The following THOC6 variants were observed in gnomAD, a reference collection of about 807,000 sequenced individuals.
The protein encoded by THOC6 is THO complex subunit 6, also known as THO complex 6.
In THOC6, 39 loss-of-function variants were observed where a neutral mutation model predicts 55.8. That is an observed-to-expected ratio of 0.70 (90% CI 0.54 to 0.91). The LOEUF is 0.91. Among genes scored for constraint, THOC6 ranks in the 40% least tolerant of loss-of-function variants. The pLI, the probability that THOC6 is intolerant of heterozygous loss-of-function variation, is 0.00. For missense variants in THOC6, 482 were observed against 442.0 expected, an observed-to-expected ratio of 1.09 and a Z score of -0.81; for synonymous variants, 192 against 175.6, an observed-to-expected ratio of 1.09 and a Z score of -0.74.
chr16:3,026,988 C>A, intron 9 of THOC6, 23 bp from the exon 10 acceptor site: 1 of 1,614,216 alleles, frequency 6.2e-7, no homozygotes, highest in South Asian at 1.1e-5. Flanking sequence ...TCACCTCTTT[C>A]CCTCCTCCCC....
intron 1 of THOC6, 63 bp from the exon 2 acceptor site, chr16:3,025,645 A>G: frequency 1.3e-6 from 2 of 1,484,714 alleles, no homozygotes; most frequent in Non-Finnish European, 1.9e-6. Context: ...GGAAGCAGGG[A>G]GGAATCTGTG....
chr16:3,025,860 C>A (rs924889284), intron 2 of THOC6, 37 bp downstream of exon 2: 20 of 1,614,038 alleles, frequency 1.2e-5, no homozygotes, highest in Non-Finnish European at 8.5e-7. Context: ...AGCCCTGGCA[C>A]TTGGCCCTCA....
chr16:3,025,215 T>C (rs1310854730), intron 1 of THOC6, among the ~76,000 whole-genome samples: 1 of 152,182 alleles, frequency 6.6e-6, no homozygotes, highest in Non-Finnish European at 1.5e-5. Flanking sequence ...GTGCTGGGAT[T>C]ACAGGCGTGA....
intron 7 of THOC6, 27 bp from the exon 8 acceptor site, chr16:3,026,652 C>T (rs1265638663): frequency 6.2e-7 from 1 of 1,610,616 alleles, no homozygotes; most frequent in Non-Finnish European, 8.5e-7. Flanking sequence ...CCTAGGTCTC[C>T]TCCTGACATC....
rs781382248 is a variant in THOC6 at position 3,027,408 on chromosome 16, C to G, written c.853C>G (p.Leu285Val). 3 of 1,612,530 alleles carry G rather than the reference C, an allele frequency of 1.9e-6. No homozygotes were observed. Among genetic ancestry groups the G allele is most frequent in the Non-Finnish European group, 1.7e-6 (2 of 1,179,576 alleles). ...GQGRCVNQWQ[L>V]SGELKAQVPG... ...GGGCCGCTGCGTCAACCAGTGGCAG[C>G]TGAGCGGGGAGCTGAAGGCCCAGGT... Residue 285 changes from leucine to valine, a missense_variant, in exon 12 of 13, where the codon CTG becomes GTG. Coordinates refer to ENST00000326266, the MANE Select transcript of THOC6 (RefSeq NM_024339.5).
At chr16:3,025,222 G>A (rs945938416) in intron 1 of THOC6, among the ~76,000 whole-genome samples, 3 of 152,152 alleles carry the variant, frequency 2.0e-5, no homozygotes, top group African/African-American at 7.2e-5. Flanking sequence ...GATTACAGGC[G>A]TGAGCCACTG....
rs773244385 is a variant in THOC6, at chr16:3,027,509, G to A, written c.945+9G>A. The A allele has an allele frequency of 2.7e-5, 43 of 1,611,696 alleles. No individual in the cohort carries two copies. The highest frequency in any genetic ancestry group is 6.7e-5 in the East Asian group (3 of 44,864). On this transcript the variant is annotated intron_variant, in intron 12 of 12. Coordinates refer to ENST00000326266, the MANE Select transcript of THOC6 (RefSeq NM_024339.5). ...CCGCGCCTGAGTGCAAGGTGGGTCC[G>A]GCAGGGGCCGCGGAGCGGCTGGGAG...
Position 3,024,293 on chromosome 16 carries a change from C to T in THOC6, c.-34C>T, listed in dbSNP as rs765844164. The T allele has an allele frequency of 5.0e-6, 8 of 1,613,880 alleles. No homozygotes were observed. Among genetic ancestry groups the T allele is most frequent in the South Asian group, 4.4e-5 (4 of 91,082 alleles). On this transcript the variant is annotated 5_prime_UTR_variant, in exon 1 of 13. Coordinates refer to ENST00000326266, the MANE Select transcript of THOC6 (RefSeq NM_024339.5). Reference sequence around the variant, plus strand: ...CGTAAGGCCTCGTGAGGTTGCGTCGCGCGCGGAGCACTCTGGGACTTGTAG... The same window carrying T: ...CGTAAGGCCTCGTGAGGTTGCGTCGTGCGCGGAGCACTCTGGGACTTGTAG...
chr16:3,024,098 C>T lies in THOC6; in HGVS notation c.-229C>T. 1 of 733,074 alleles carries T rather than the reference C, an allele frequency of 1.4e-6. No individual in the cohort carries two copies. Among genetic ancestry groups the T allele is most frequent in the Non-Finnish European group, 2.2e-6 (1 of 453,250 alleles). 45.4% of individuals were successfully genotyped at this position (733,074 alleles called of 1,614,324 possible). A position where few individuals can be genotyped will look rare whatever the true frequency, so the allele number is the denominator to read the frequency against. ...GCGCGTGGCGGAAGGCAGGCTTGCTCCTCGGGGTGGGGGAGGGTATCCGGC... is the reference window on the plus strand; with the variant it reads ...GCGCGTGGCGGAAGGCAGGCTTGCTTCTCGGGGTGGGGGAGGGTATCCGGC... On this transcript the variant is annotated 5_prime_UTR_variant, in exon 1 of 13. Transcript: ENST00000326266.
At chr16:3,026,218 C>G in intron 4 of THOC6, 33 bp from the exon 5 acceptor site, 1 of 1,614,098 alleles carries the variant, frequency 6.2e-7, no homozygotes, top group South Asian at 1.1e-5. Flanking sequence ...CAGAGAGAGC[C>G]TTTGAGGTCA....
At position 3,024,042 on chromosome 16, in the gene THOC6, C is replaced by T; in HGVS notation, c.-285C>T. Reference sequence around the variant, plus strand: ...GCGTGGCTTTAGGCGGGCACAGCCGCGAGGTTCTGCGCGGGCGCGGAAGAC... The same window carrying T: ...GCGTGGCTTTAGGCGGGCACAGCCGTGAGGTTCTGCGCGGGCGCGGAAGAC... On this transcript the variant is annotated 5_prime_UTR_variant, in exon 1 of 13. Transcript: ENST00000326266. 2 of 979,172 alleles carry T rather than the reference C, an allele frequency of 2.0e-6. No homozygotes were observed. Among genetic ancestry groups the T allele is most frequent in the Middle Eastern group, 2.5e-4 (1 of 4,008 alleles). 60.7% of individuals were successfully genotyped at this position (979,172 alleles called of 1,614,324 possible).
At chr16:3,026,195 G>T (rs1050806292) in intron 4 of THOC6, 29 bp downstream of exon 4, 2 of 1,613,320 alleles carry the variant, frequency 1.2e-6, no homozygotes, top group African/African-American at 1.3e-5. Flanking sequence ...GAAAGGGCTG[G>T]GGTGCCTGGA....
In THOC6 at chr16:3,024,066, A is replaced by ACGGGCGGCGCGTGGCGGAAGG. The variant is rs2151131904; in HGVS notation, c.-259_-239dup. On this transcript the variant is annotated 5_prime_UTR_variant, in exon 1 of 13. Transcript: ENST00000326266. ...GCGAGGTTCTGCGCGGGCGCGGAAG[A>ACGGGCGGCGCGTGGCGGAAGG]CGGGCGGCGCGTGGCGGAAGGCAGG... The ACGGGCGGCGCGTGGCGGAAGG allele has an allele frequency of 8.3e-6, 7 of 843,010 alleles. No individual in the cohort carries two copies. In the East Asian group the frequency reaches 1.6e-4, roughly 19 times the overall value. 52.2% of individuals were successfully genotyped at this position (843,010 alleles called of 1,614,324 possible).
chr16:3,026,318 A>G, intron 5 of THOC6, 30 bp downstream of exon 5: 3 of 1,614,052 alleles, frequency 1.9e-6, no homozygotes, highest in Non-Finnish European at 2.5e-6. Flanking sequence ...TAGAGGGTGC[A>G]TCAGGGTGAA....
chr16:3,026,759 G>C lies in THOC6; in HGVS notation c.564G>C (p.Glu188Asp), dbSNP rs779325586. The part of the protein sequence containing the change: ...ERSPEVLSGG[E>D]DGAVRLWDLR... The stretch of plus-strand genomic sequence containing the variant: ...GCCCAGAGGTGCTGTCAGGTGGCGA[G>C]GATGGAGCTGTTCGACTTTGGGGTA... The change falls in exon 8 of 13, where the codon GAG (glutamate) becomes GAC (aspartate). Residue 188 changes from glutamate (E) to aspartate (D), a missense_variant. Coordinates refer to ENST00000326266, the MANE Select transcript of THOC6 (RefSeq NM_024339.5). 1 of 1,613,916 alleles carries C rather than the reference G, an allele frequency of 6.2e-7. No individual in the cohort carries two copies. The highest frequency in any genetic ancestry group is 8.5e-7 in the Non-Finnish European group (1 of 1,179,908).
At position 3,026,273 on chromosome 16, in the gene THOC6, G is replaced by C. The variant is rs116125644; in HGVS notation, c.347G>C (p.Arg116Pro). The change falls in exon 5 of 13, where the codon CGT (arginine) becomes CCT (proline). Residue 116 changes from arginine (R) to proline (P), a missense_variant. Physicochemically the swap from Arg to Pro is moderately radical, Grantham distance 103 (BLOSUM62 -2). Transcript: ENST00000326266. ...LKKGCKELWR[R>P]QPPYRTSLEV... ...AAGGGCTGTAAGGAGCTGTGGCGTC[G>C]TCAGCCTCCATACAGGTGAGCAGGG... 1.5e-5 allele frequency: 24 copies of C among 1,613,994 alleles called. No homozygotes were observed. Among genetic ancestry groups the C allele is most frequent in the Non-Finnish European group, 1.9e-5 (22 of 1,180,024 alleles).
rs942600602 is a variant in THOC6 at position 3,024,270 on chromosome 16, T to G, written c.-57T>G. The G allele has an allele frequency of 1.5e-5, 24 of 1,610,916 alleles. No homozygotes were observed. The highest frequency in any genetic ancestry group is 2.0e-5 in the Non-Finnish European group (23 of 1,177,456). ...ACGGAGAGGAACCGCTCTAGGCACG[T>G]AAGGCCTCGTGAGGTTGCGTCGCGC... On this transcript the variant is annotated 5_prime_UTR_variant, in exon 1 of 13. Coordinates refer to ENST00000326266, the MANE Select transcript of THOC6 (RefSeq NM_024339.5).
At position 3,024,071 on chromosome 16, in the gene THOC6, C is replaced by A. The variant is rs2072709384; in HGVS notation, c.-256C>A. The A allele has an allele frequency of 3.8e-6, 3 of 797,982 alleles. No homozygotes were observed. Among genetic ancestry groups the A allele is most frequent in the African/African-American group, 1.7e-5 (1 of 57,566 alleles). The allele number at this position is 797,982 out of a possible 1,614,324, so 49.4% of individuals were successfully genotyped here. ...GTTCTGCGCGGGCGCGGAAGACGGG[C>A]GGCGCGTGGCGGAAGGCAGGCTTGC... On this transcript the variant is annotated 5_prime_UTR_variant, in exon 1 of 13. Transcript: ENST00000326266.
chr16:3,027,332 C>T (rs747311109), intron 11 of THOC6, 34 bp from the exon 12 acceptor site: 2 of 1,613,912 alleles, frequency 1.2e-6, no homozygotes, highest in Admixed American at 1.7e-5. Context: ...TCCCTTCAGT[C>T]CTGACCCCTG....
Sources: allele counts gnomAD v4.1 joint callset (sites outside exome capture counted in the v4.1 genomes callset), GRCh38; gene constraint gnomAD v4.1.1; transcripts MANE v1.5; gene names NCBI Gene and HGNC (gene_info 2026-07-23, HGNC 2026-07-21).